The following ALDH8A1 variants were observed in gnomAD, a reference collection of about 807,000 sequenced individuals.
ALDH8A1 encodes 2-aminomuconic semialdehyde dehydrogenase.
In ALDH8A1, 39 loss-of-function variants were observed where a neutral mutation model predicts 43.3. That is an observed-to-expected ratio of 0.90 (90% CI 0.70 to 1.18). ALDH8A1 has a LOEUF of 1.18. Ranked by LOEUF, ALDH8A1 falls within the 50% of genes most tolerant of loss-of-function variation. The pLI, the probability that ALDH8A1 is intolerant of heterozygous loss-of-function variation, is 0.00. For missense variants in ALDH8A1, 605 were observed against 622.6 expected, an observed-to-expected ratio of 0.97 and a Z score of 0.30; for synonymous variants, 233 against 243.5, an observed-to-expected ratio of 0.96 and a Z score of 0.40.
Position 134,950,040 on chromosome 6 carries a change from T to C in ALDH8A1, c.14A>G (p.Asn5Ser), listed in dbSNP as rs56954234. The C allele has an allele frequency of 1.8e-3, 2,977 of 1,612,218 alleles. 49 individuals are homozygous for C. In the African/African-American group the frequency reaches 0.034, roughly 18 times the overall value. The change falls in exon 1 of 7, where the codon AAC (asparagine) becomes AGC (serine). Residue 5 changes from asparagine (N) to serine (S), a missense_variant. Coordinates refer to ENST00000265605, the MANE Select transcript of ALDH8A1 (RefSeq NM_022568.4). ...GAAGTTTTCCAGCATCAAAAGTGCG[T>C]TTGTTCCAGCCATAGCAAGGAAAAA... Reference protein sequence around the residue: MAGTNALLMLENFID... With the variant: MAGTSALLMLENFID...
chr6:134,935,340 C>T (rs1467388618), intron 4 of ALDH8A1, among the ~76,000 whole-genome samples: 3 of 152,146 alleles, frequency 2.0e-5, no homozygotes, highest in Admixed American at 2.0e-4. Context: ...CTTAGTTCAC[C>T]AGGAAGAAAT....
At chr6:134,921,963 G>A (rs1431923447) in intron 6 of ALDH8A1, among the ~76,000 whole-genome samples, 2 of 152,248 alleles carry the variant, frequency 1.3e-5, no homozygotes, top group East Asian at 3.8e-4. Context: ...AGAGACAGCA[G>A]GGCTTTCTCG....
intron 3 of ALDH8A1, chr6:134,940,162 C>T (rs1372319248): frequency 2.8e-6 from 1 of 352,184 alleles, no homozygotes. Context: ...TGCAGCAAAC[C>T]ACCATGGCAC....
rs150799987 is a variant in ALDH8A1 at position 134,918,689 on chromosome 6, G to A, written c.1190C>T (p.Thr397Met). The change falls in exon 7 of 7, where the codon ACG (threonine) becomes ATG (methionine). Residue 397 changes from threonine to methionine, a missense_variant. Physicochemically the swap from Thr to Met is moderately conservative, Grantham distance 81. Transcript: ENST00000265605. ...TTCACTATCAAAGGGGACGACACAC[G>A]TCACTGGACCAAATATCTCTTCCGT... ...CMTEEIFGPV[T>M]CVVPFDSEEE... The A allele has an allele frequency of 1.6e-4, 258 of 1,614,034 alleles. No homozygotes were observed. Among genetic ancestry groups the A allele is most frequent in the Non-Finnish European group, 2.0e-4 (236 of 1,180,028 alleles).
At chr6:134,933,910 T>C (rs1253610676) in intron 4 of ALDH8A1, among the ~76,000 whole-genome samples, 1 of 152,118 alleles carries the variant, frequency 6.6e-6, no homozygotes, top group African/African-American at 2.4e-5. Context: ...GATTTCATCA[T>C]GTTGGCCAGG....
chr6:134,943,156 C>A (rs6919309), intron 2 of ALDH8A1, among the ~76,000 whole-genome samples: 21,162 of 152,104 alleles, frequency 0.14, 2,163 homozygotes, highest in East Asian at 0.25. Flanking sequence ...TTCTCTTTAG[C>A]GATGCAGGGA....
intron 6 of ALDH8A1, among the ~76,000 whole-genome samples, chr6:134,922,490 C>T (rs939776949): frequency 1.3e-5 from 2 of 151,890 alleles, no homozygotes; most frequent in Non-Finnish European, 2.9e-5. Context: ...CGGGTGCAAG[C>T]GATTCTCCTG....
intron 4 of ALDH8A1, among the ~76,000 whole-genome samples, chr6:134,938,084 G>A (rs929288539): frequency 6.6e-6 from 1 of 152,240 alleles, no homozygotes; most frequent in Non-Finnish European, 1.5e-5. Context: ...TCCGAAGCGG[G>A]AGAGAGGGAC....
chr6:134,929,270 G>A (rs1024868772), intron 5 of ALDH8A1, 55 bp from the exon 6 acceptor site: 3 of 1,574,742 alleles, frequency 1.9e-6, no homozygotes, highest in Non-Finnish European at 2.6e-6. Flanking sequence ...CATGGATAGA[G>A]CACCCTGCAC....
intron 4 of ALDH8A1, among the ~76,000 whole-genome samples, chr6:134,934,938 A>G (rs1049060583): frequency 1.3e-5 from 2 of 152,234 alleles, no homozygotes; most frequent in African/African-American, 4.8e-5. Flanking sequence ...TTATGAGCGC[A>G]TTAAGCTCAT....
At chr6:134,922,575 A>G (rs1024287343) in intron 6 of ALDH8A1, among the ~76,000 whole-genome samples, 12 of 151,908 alleles carry the variant, frequency 7.9e-5, no homozygotes, top group African/African-American at 2.7e-4. Context: ...TTTAGTAGAG[A>G]TGGGGTTTCA....
chr6:134,934,935 C>T (rs903029549), intron 4 of ALDH8A1, among the ~76,000 whole-genome samples: 11 of 152,180 alleles, frequency 7.2e-5, no homozygotes, highest in Admixed American at 3.3e-4. Flanking sequence ...GTTTTATGAG[C>T]GCATTAAGCT....
intron 1 of ALDH8A1, among the ~76,000 whole-genome samples, chr6:134,947,076 T>C (rs1191917129): frequency 6.6e-6 from 1 of 152,326 alleles, no homozygotes; most frequent in Non-Finnish European, 1.5e-5. Flanking sequence ...AATAAATCCA[T>C]GCATTTACAG....
At chr6:134,935,070 T>C (rs1213195323) in intron 4 of ALDH8A1, among the ~76,000 whole-genome samples, 3 of 152,204 alleles carry the variant, frequency 2.0e-5, no homozygotes, top group Non-Finnish European at 2.9e-5. Context: ...CTCCTCCAAG[T>C]ACTTGTTCTC....
intron 4 of ALDH8A1, among the ~76,000 whole-genome samples, chr6:134,935,082 G>A (rs1340495899): frequency 4.6e-5 from 7 of 152,114 alleles, no homozygotes; most frequent in African/African-American, 2.4e-5. Context: ...CTTGTTCTCC[G>A]CTTTGGGCAG....
intron 4 of ALDH8A1, 33 bp from the exon 5 acceptor site, chr6:134,933,065 C>A: frequency 1.3e-6 from 2 of 1,510,702 alleles, no homozygotes; most frequent in Middle Eastern, 1.8e-4. Context: ...TATAGTAATT[C>A]TCAGTATGTT....
chr6:134,918,266 A>G lies in ALDH8A1; in HGVS notation c.*149T>C. ...GACAGTATCTCTTCACTAGTGGGTA[A>G]AGTTACTAAGAACTGAGGATAAGCT... On this transcript the variant is annotated 3_prime_UTR_variant, in exon 7 of 7. Coordinates refer to ENST00000265605, the MANE Select transcript of ALDH8A1 (RefSeq NM_022568.4). 1 of 719,014 alleles carries G rather than the reference A, an allele frequency of 1.4e-6. No individual in the cohort carries two copies. Among genetic ancestry groups the G allele is most frequent in the African/African-American group, 1.8e-5 (1 of 55,986 alleles). 44.5% of individuals were successfully genotyped at this position (719,014 alleles called of 1,614,324 possible).
chr6:134,933,022 T>G lies in ALDH8A1; in HGVS notation c.603A>C (p.Pro201=). Residue 201 remains proline (P), a synonymous_variant, in exon 5 of 7, where the codon CCA becomes CCC. Coordinates refer to ENST00000265605, the MANE Select transcript of ALDH8A1 (RefSeq NM_022568.4). ...TTCCAAACACAATATTGACCACACC[T>G]GGTGGAACACCTGGATAGGAAACAG... is the stretch of plus-strand genomic sequence containing the variant. ...CKLLDKAGVP[P]GVVNIVFGTG... 1 of 1,571,658 alleles carries G rather than the reference T, an allele frequency of 6.4e-7. No homozygotes were observed. Among genetic ancestry groups the G allele is most frequent in the Non-Finnish European group, 8.6e-7 (1 of 1,160,340 alleles).
At chr6:134,918,910 G>T in intron 6 of ALDH8A1, 43 bp from the exon 7 acceptor site, 1 of 1,579,076 alleles carries the variant, frequency 6.3e-7, no homozygotes, top group Non-Finnish European at 8.7e-7. Flanking sequence ...TTACCATGTG[G>T]CTTCACACAA....
Sources: allele counts gnomAD v4.1 joint callset (sites outside exome capture counted in the v4.1 genomes callset), GRCh38; gene constraint gnomAD v4.1.1; transcripts MANE v1.5; gene names NCBI Gene and HGNC (gene_info 2026-07-23, HGNC 2026-07-21).